Variants in FBXO47 observed in about 807,000 individuals in gnomAD.
The protein encoded by FBXO47 is F-box protein 47, also known as F-box only protein 47.
FBXO47 carries 34 observed loss-of-function variants against 53.9 expected under a neutral mutation model. The observed-to-expected ratio is 0.63, with a 90% CI of 0.48 to 0.84. The LOEUF (loss-of-function observed/expected upper bound fraction) is 0.84, where lower values mean the gene tolerates loss of function less well. Among genes scored for constraint, FBXO47 ranks in the 40% least tolerant of loss-of-function variants. FBXO47 has a pLI of 0.00. For missense variants in FBXO47, 485 were observed against 541.3 expected (o/e 0.90, Z 1.03); for synonymous variants, 165 against 181.6 (o/e 0.91, Z 0.73).
chr17:38,951,023 CCT>C (rs1391361156), intron 6 of FBXO47, among the ~76,000 whole-genome samples: 3 of 152,066 alleles, frequency 2.0e-5, no homozygotes, highest in Non-Finnish European at 4.4e-5. Context: ...ACCTCAGCCT[CCT>C]GAGCAGCTGA....
At chr17:38,965,144 C>A (rs550465364) in intron 1 of FBXO47, among the ~76,000 whole-genome samples, 2 of 152,322 alleles carry the variant, frequency 1.3e-5, no homozygotes, top group South Asian at 4.1e-4. Flanking sequence ...GCCACCACGC[C>A]CGCCCATTAC....
chr17:38,939,114 T>C (rs1266488542), intron 9 of FBXO47, among the ~76,000 whole-genome samples: 1 of 151,050 alleles, frequency 6.6e-6, no homozygotes, highest in South Asian at 2.1e-4. Context: ...GCCAAAATGG[T>C]GAAACCCTGT....
intron 6 of FBXO47, among the ~76,000 whole-genome samples, chr17:38,947,161 G>A (rs560977624): frequency 2.7e-5 from 4 of 147,146 alleles, no homozygotes; most frequent in Admixed American, 6.9e-5. Flanking sequence ...CCAGGCAGCG[G>A]CAGTGGCACG....
chr17:38,961,612 C>T (rs1035458572), intron 3 of FBXO47, among the ~76,000 whole-genome samples: 1 of 152,130 alleles, frequency 6.6e-6, no homozygotes, highest in Non-Finnish European at 1.5e-5. Flanking sequence ...ATTTCCTAAC[C>T]TGATAAGCCA....
intron 7 of FBXO47, 110 bp downstream of exon 7, chr17:38,944,848 ATG>A (rs71300085): frequency 0.03 from 17,407 of 579,360 alleles, no homozygotes; most frequent in Middle Eastern, 0.042. Context: ...GCGTGCATGC[ATG>A]TGTGTGTGTG....
intron 1 of FBXO47, among the ~76,000 whole-genome samples, chr17:38,963,967 T>TA (rs577730004): frequency 1.5e-3 from 223 of 144,664 alleles, no homozygotes; most frequent in Admixed American, 2.7e-3. Flanking sequence ...CCAGCTAAAG[T>TA]AAAAAAAAAA....
chr17:38,941,743 G>A (rs1220344760), intron 9 of FBXO47, among the ~76,000 whole-genome samples: 1 of 149,432 alleles, frequency 6.7e-6, no homozygotes, highest in Non-Finnish European at 1.5e-5. Context: ...GCACAATTTT[G>A]GTTCACTGTA....
intron 3 of FBXO47, among the ~76,000 whole-genome samples, chr17:38,957,800 C>T (rs1415686015): frequency 6.6e-6 from 1 of 151,208 alleles, no homozygotes; most frequent in Non-Finnish European, 1.5e-5. Context: ...TTGTGGGCTC[C>T]AGTGATCCTC....
chr17:38,964,653 C>A (rs1905999011), intron 1 of FBXO47, among the ~76,000 whole-genome samples: 1 of 151,830 alleles, frequency 6.6e-6, no homozygotes, highest in African/African-American at 2.4e-5. Flanking sequence ...CACAGTGAGA[C>A]TTGGTCTCGA....
chr17:38,944,134 A>G (rs1598137638), intron 7 of FBXO47, among the ~76,000 whole-genome samples: 1 of 151,418 alleles, frequency 6.6e-6, no homozygotes, highest in Non-Finnish European at 1.5e-5. Context: ...GTGAGTGGAG[A>G]TTGGGCCACT....
At chr17:38,951,823 G>A (rs1316433615) in intron 5 of FBXO47, 134 bp from the exon 6 acceptor site, 6 of 585,696 alleles carry the variant, frequency 1.0e-5, no homozygotes, top group Non-Finnish European at 1.2e-5. Context: ...CTGCAGTCAG[G>A]AGTTTGAGAC....
chr17:38,959,299 T>C (rs879397436), intron 3 of FBXO47, among the ~76,000 whole-genome samples: 1 of 152,046 alleles, frequency 6.6e-6, no homozygotes, highest in Non-Finnish European at 1.5e-5. Context: ...AAATTTATAA[T>C]TGGCCGAGTA....
chr17:38,962,425 G>T (rs766764138), intron 2 of FBXO47, among the ~76,000 whole-genome samples: 6 of 152,086 alleles, frequency 3.9e-5, no homozygotes, highest in Non-Finnish European at 8.8e-5. Flanking sequence ...AGACCAGACT[G>T]ATCAACATGG....
intron 6 of FBXO47, among the ~76,000 whole-genome samples, chr17:38,946,614 C>CTA (rs1484581953): frequency 5.1e-4 from 5 of 9,840 alleles, no homozygotes; most frequent in Admixed American, 1.8e-3. Flanking sequence ...ATATATATAA[C>CTA]TATATAAATA....
At chr17:38,940,647 A>G (rs1231086340) in intron 9 of FBXO47, among the ~76,000 whole-genome samples, 1 of 151,756 alleles carries the variant, frequency 6.6e-6, no homozygotes. Context: ...GCCACCCTCT[A>G]TCTGCCTGGT....
chr17:38,959,598 A>AG (rs1245353311), intron 3 of FBXO47, among the ~76,000 whole-genome samples: 2 of 150,230 alleles, frequency 1.3e-5, no homozygotes, highest in African/African-American at 4.9e-5. Context: ...AAAAAAAAAA[A>AG]AAAAAGAAAA....
intron 4 of FBXO47, among the ~76,000 whole-genome samples, chr17:38,956,024 T>C (rs1057105969): frequency 2.1e-5 from 3 of 139,896 alleles, no homozygotes; most frequent in Non-Finnish European, 3.0e-5. Context: ...TAATCCCACC[T>C]ACTCAGGAGG....
chr17:38,946,357 T>C (rs1904829994), intron 6 of FBXO47, among the ~76,000 whole-genome samples: 1 of 96,108 alleles, frequency 1.0e-5, no homozygotes, highest in African/African-American at 4.5e-5. Context: ...TATAAATATA[T>C]ATAAATATAT....
chr17:38,941,419 C>T (rs1904499324), intron 9 of FBXO47, among the ~76,000 whole-genome samples: 1 of 151,120 alleles, frequency 6.6e-6, no homozygotes. Context: ...ATCCGCCTGA[C>T]TCAGTCTCCC....
Sources: gnomAD v4.1 joint callset for allele counts (sites outside exome capture counted in the v4.1 genomes callset) on GRCh38, gnomAD v4.1.1 for gene constraint, MANE v1.5 for transcripts, NCBI Gene and HGNC (gene_info 2026-07-23, HGNC 2026-07-21) for gene names.